AK2: variants seen among roughly 807,000 people sequenced by gnomAD.
AK2 encodes adenylate kinase 2.
AK2 carries 15 observed loss-of-function variants against 24.6 expected under a neutral mutation model. That is an observed-to-expected ratio of 0.61 (90% confidence interval 0.41 to 0.94). AK2 has a LOEUF of 0.94. Among genes scored for constraint, AK2 ranks in the 40% least tolerant of loss-of-function variants. The pLI, the probability that AK2 is intolerant of heterozygous loss-of-function variation, is 0.00. For missense variants in AK2, 257 were observed against 304.1 expected, an observed-to-expected ratio of 0.85 and a Z score of 1.15; for synonymous variants, 102 against 114.0, an observed-to-expected ratio of 0.90 and a Z score of 0.67.
Position 33,020,127 on chromosome 1 carries a change from C to T in AK2, c.425+1240G>A, listed in dbSNP as rs936488702. The T allele has an allele frequency of 1.6e-5, 24 of 1,533,200 alleles. No homozygotes were observed. The East Asian group carries it at 3.2e-4, about 20-fold the overall frequency. The allele number at this position is 1,533,200 out of a possible 1,614,324, so 95.0% of individuals were successfully genotyped here. On this transcript the variant is annotated intron_variant, in intron 4 of 5. Coordinates refer to ENST00000672715, the MANE Select transcript of AK2 (RefSeq NM_001625.4). ...AGCAGTGTTGGTCTGTCAGAACAAA[C>T]GTGTCCAGAAGCAGAGGCATTTCTG...
rs267606648 is a variant in AK2, at chr1:33,021,616, G to A, written c.307C>T (p.Arg103Trp). 3.1e-6 allele frequency: 5 copies of A among 1,613,962 alleles called. No individual in the cohort carries two copies. The highest frequency in any genetic ancestry group is 2.2e-5 in the East Asian group (1 of 44,900). ...KNGFLLDGFP[R>W]TVRQAEMLDD... ...ACCATTTCTGCCTGCCTCACAGTCC[G>A]AGGGAAGCCATCCAGAAGAAAACCA... The change falls in exon 3 of 6, where the codon CGG becomes TGG. Residue 103 changes from arginine to tryptophan, a missense_variant. Physicochemically the swap from Arg to Trp is moderately radical, Grantham distance 101. Transcript: ENST00000672715.
chr1:33,025,352 T>C (rs1197982495), intron 1 of AK2, among the ~76,000 whole-genome samples: 1 of 152,228 alleles, frequency 6.6e-6, no homozygotes, highest in East Asian at 1.9e-4. Flanking sequence ...ACAATTGTCA[T>C]GTACTACAGC....
At chr1:33,029,134 G>A (rs1246943467) in intron 1 of AK2, 1 of 152,192 alleles carries the variant, frequency 6.6e-6, no homozygotes, top group Non-Finnish European at 1.5e-5. Context: ...CTGACAACTA[G>A]GAAATAAAGG....
chr1:33,026,953 C>T (rs542900717), intron 1 of AK2, among the ~76,000 whole-genome samples: 4 of 152,108 alleles, frequency 2.6e-5, no homozygotes, highest in African/African-American at 9.6e-5. Flanking sequence ...TGGTGAAACC[C>T]CATCTCTACT....
intron 1 of AK2, among the ~76,000 whole-genome samples, chr1:33,035,451 A>T (rs1355632731): frequency 6.6e-6 from 1 of 152,186 alleles, no homozygotes; most frequent in Non-Finnish European, 1.5e-5. Context: ...AAGATTTTTA[A>T]AACTTGGCAA....
In AK2 at chr1:33,010,922, C is replaced by T; in HGVS notation, c.*2259G>A. 1.3e-6 allele frequency: 2 copies of T among 1,596,366 alleles called. No individual in the cohort carries two copies. The highest frequency in any genetic ancestry group is 1.7e-6 in the Non-Finnish European group (2 of 1,171,042). On this transcript the variant is annotated 3_prime_UTR_variant, in exon 6 of 6. Transcript: ENST00000672715. ...GAGGCTGGCATGTAAGCCCCAGCAA[C>T]CAAATGCATTAAACACTGGACATTT...
At chr1:33,025,412 G>T (rs1486123229) in intron 1 of AK2, among the ~76,000 whole-genome samples, 1 of 152,096 alleles carries the variant, frequency 6.6e-6, no homozygotes, top group Admixed American at 6.5e-5. Flanking sequence ...GGCAGAACTG[G>T]GTTTTCCTCC....
Position 33,018,229 on chromosome 1 carries a change from C to A in AK2, c.425+3138G>T, listed in dbSNP as rs79538990. ...ACCACAACCACCAACTATTCATATT[C>A]AAGAAACAGAACAATGACTCAAAAT... On this transcript the variant is annotated intron_variant, in intron 4 of 5. Transcript: ENST00000672715. 2.6e-5 allele frequency among the ~76,000 whole-genome samples: 4 copies of A among 152,232 alleles called. No homozygotes were observed. The East Asian group carries it at 7.7e-4, about 29-fold the overall frequency.
At chr1:33,024,384 G>A in intron 2 of AK2, 58 bp downstream of exon 2, 1 of 1,609,088 alleles carries the variant, frequency 6.2e-7, no homozygotes, top group Non-Finnish European at 8.5e-7. Context: ...TACCATATTG[G>A]ACAGTGCAGA....
At chr1:33,032,992 T>C (rs1640336924) in intron 1 of AK2, among the ~76,000 whole-genome samples, 1 of 151,830 alleles carries the variant, frequency 6.6e-6, no homozygotes, top group African/African-American at 2.4e-5. Context: ...TGAAACCCCG[T>C]CTCTACTAAA....
chr1:33,034,605 G>A (rs1640466213), intron 1 of AK2, among the ~76,000 whole-genome samples: 1 of 152,138 alleles, frequency 6.6e-6, no homozygotes, highest in Non-Finnish European at 1.5e-5. Context: ...TGCTGAATGA[G>A]CAAGGTAGGT....
chr1:33,020,043 G>A (rs1266795933), intron 4 of AK2: 7 of 1,532,308 alleles, frequency 4.6e-6, no homozygotes, highest in African/African-American at 1.4e-5. Flanking sequence ...CATACTTCTG[G>A]AAGGCACAAA....
At chr1:33,031,650 C>G in intron 1 of AK2, 2 of 456,080 alleles carry the variant, frequency 4.4e-6, no homozygotes, top group Non-Finnish European at 8.8e-6. Flanking sequence ...ATTCAAACTT[C>G]AGTTTCTCCA....
chr1:33,014,833 A>G (rs1253591686), intron 4 of AK2, among the ~76,000 whole-genome samples: 1 of 152,246 alleles, frequency 6.6e-6, no homozygotes, highest in Non-Finnish European at 1.5e-5. Flanking sequence ...AACTGCTGGC[A>G]TAACTACCTA....
intron 1 of AK2, chr1:33,031,372 A>G: frequency 3.4e-6 from 1 of 297,330 alleles, no homozygotes; most frequent in South Asian, 3.0e-5. Flanking sequence ...AAAGCCTCTG[A>G]GCTCAGTTTC....
At chr1:33,014,999 T>C (rs1174834187) in intron 4 of AK2, among the ~76,000 whole-genome samples, 3 of 152,204 alleles carry the variant, frequency 2.0e-5, no homozygotes, top group Non-Finnish European at 2.9e-5. Flanking sequence ...TGCTCACAAG[T>C]AGTGCTTAGT....
In AK2 at chr1:33,012,950, C is replaced by T. The variant is rs140637439; in HGVS notation, c.*231G>A. ...GCTGGTAAAGCAACCTAGCCTAAAA[C>T]TTACAAAGTAGCAGAGTGAACACAT... On this transcript the variant is annotated 3_prime_UTR_variant, in exon 6 of 6. Coordinates refer to ENST00000672715, the MANE Select transcript of AK2 (RefSeq NM_001625.4). The T allele has an allele frequency of 2.8e-4, 435 of 1,536,542 alleles. 1 individual carries two copies. In the African/African-American group the frequency reaches 5.4e-3, roughly 19 times the overall value.
In AK2 at chr1:33,009,512, T is replaced by C. The variant is rs568087249; in HGVS notation, c.*3669A>G. The C allele has an allele frequency of 2.2e-6, 1 of 454,144 alleles. No homozygotes were observed. Among genetic ancestry groups the C allele is most frequent in the East Asian group, 6.9e-5 (1 of 14,400 alleles). 28.1% of individuals were successfully genotyped at this position (454,144 alleles called of 1,614,324 possible). ...TGTGTATATCTGGATCCAACTAACA[T>C]TTATCCAATGTCTGTTGCATGCCAG... On this transcript the variant is annotated 3_prime_UTR_variant, in exon 6 of 6. Transcript: ENST00000672715.
In AK2 at chr1:33,024,502, C is replaced by T. The variant is rs765062571; in HGVS notation, c.159G>A (p.Met53Ile). The T allele has an allele frequency of 1.2e-6, 2 of 1,614,204 alleles. No homozygotes were observed. Among genetic ancestry groups the T allele is most frequent in the Non-Finnish European group, 1.7e-6 (2 of 1,180,032 alleles). ...HLATGDMLRA[M>I]VASGSELGKK... ...TTCCTAGCTCTGAGCCAGAAGCCAC[C>T]ATGGCCCTCAGCATGTCCCCAGTAG... The change falls in exon 2 of 6, where the codon ATG (methionine) becomes ATA (isoleucine). Residue 53 changes from methionine (M) to isoleucine (I), a missense_variant. Transcript: ENST00000672715.
Sources: allele counts gnomAD v4.1 joint callset (sites outside exome capture counted in the v4.1 genomes callset), GRCh38; gene constraint gnomAD v4.1.1; transcripts MANE v1.5; gene names NCBI Gene and HGNC (gene_info 2026-07-23, HGNC 2026-07-21).